CCNY: variants seen among roughly 807,000 people sequenced by gnomAD.
CCNY encodes cyclin-Y.
In CCNY, 19 loss-of-function variants were observed where a neutral mutation model predicts 42.8. That is an observed-to-expected ratio of 0.44 (90% confidence interval 0.31 to 0.65). CCNY has a LOEUF of 0.65. Among genes scored for constraint, CCNY ranks in the 30% least tolerant of loss-of-function variants. The probability of loss-of-function intolerance (pLI) is 0.07; values close to 1 mark genes in which losing one functional copy is unlikely to be tolerated. For missense variants in CCNY, 370 were observed against 437.3 expected, an observed-to-expected ratio of 0.85 and a Z score of 1.37; for synonymous variants, 165 against 162.7, an observed-to-expected ratio of 1.01 and a Z score of -0.11.
At chr10:35,549,782 ATGACCCTACAGTGCTCG>A (rs1259321663) in intron 7 of CCNY, among the ~76,000 whole-genome samples, 2 of 105,746 alleles carry the variant, frequency 1.9e-5, no homozygotes, top group African/African-American at 4.0e-5. Context: ...CTCATGACAC[ATGACCCTACAGTGCTCG>A]TGACCCTGCG....
intron 9 of CCNY, among the ~76,000 whole-genome samples, chr10:35,568,749 C>T (rs1019108824): frequency 1.8e-4 from 27 of 152,244 alleles, no homozygotes; most frequent in Non-Finnish European, 3.4e-4. Context: ...GGGTGGGGCC[C>T]GTCCCACACC....
chr10:35,360,255 A>C (rs1836652144), intron 1 of CCNY, among the ~76,000 whole-genome samples: 2 of 151,000 alleles, frequency 1.3e-5, no homozygotes, highest in African/African-American at 4.9e-5. Flanking sequence ...GAATTTTAAA[A>C]TTAAATTTCT....
chr10:35,385,331 C>A (rs893264263), intron 1 of CCNY, among the ~76,000 whole-genome samples: 1 of 152,178 alleles, frequency 6.6e-6, no homozygotes, highest in African/African-American at 2.4e-5. Context: ...CCTCCCTCAC[C>A]GTTTGCCAGC....
intron 1 of CCNY, among the ~76,000 whole-genome samples, chr10:35,343,536 C>T (rs1475695728): frequency 2.6e-5 from 4 of 151,866 alleles, no homozygotes; most frequent in Admixed American, 6.6e-5. Flanking sequence ...ACTACAGGCA[C>T]GTGCCACCAC....
intron 3 of CCNY, among the ~76,000 whole-genome samples, chr10:35,280,646 A>G (rs944293823): frequency 6.6e-6 from 1 of 152,234 alleles, no homozygotes; most frequent in African/African-American, 2.4e-5. Flanking sequence ...CCAAAATACA[A>G]ACCTCTTAAA....
At chr10:35,305,499 C>T (rs1433529903) in intron 3 of CCNY, among the ~76,000 whole-genome samples, 3 of 152,188 alleles carry the variant, frequency 2.0e-5, no homozygotes, top group African/African-American at 7.2e-5. Flanking sequence ...ACTGTGTTCA[C>T]TGTAACCTAG....
At chr10:35,556,282 C>T (rs973934281) in intron 8 of CCNY, among the ~76,000 whole-genome samples, 1 of 152,176 alleles carries the variant, frequency 6.6e-6, no homozygotes, top group Admixed American at 6.5e-5. Flanking sequence ...TTTTCCACTG[C>T]CCTCTGTCAG....
At chr10:35,450,771 C>T (rs1838899187) in intron 1 of CCNY, among the ~76,000 whole-genome samples, 1 of 149,440 alleles carries the variant, frequency 6.7e-6, no homozygotes, top group Non-Finnish European at 1.5e-5. Context: ...TATTTAAATT[C>T]GGTGGGAGAT....
intron 1 of CCNY, among the ~76,000 whole-genome samples, chr10:35,247,877 A>C (rs1312510206): frequency 2.6e-4 from 22 of 86,196 alleles, no homozygotes; most frequent in African/African-American, 1.4e-3. Context: ...CTCCATCTCA[A>C]AAAAAAAAAA....
chr10:35,254,166 C>T (rs1223327344), intron 3 of CCNY, among the ~76,000 whole-genome samples: 5 of 152,090 alleles, frequency 3.3e-5, no homozygotes, highest in Non-Finnish European at 5.9e-5. Context: ...CATGAGCCAC[C>T]GCGCCCGGCC....
At chr10:35,304,316 TTA>T (rs1835579958) in intron 3 of CCNY, among the ~76,000 whole-genome samples, 2 of 52,188 alleles carry the variant, frequency 3.8e-5, no homozygotes, top group Admixed American at 2.0e-4. Flanking sequence ...TTTTTATTTT[TTA>T]TTTTTTTTTG....
intron 1 of CCNY, among the ~76,000 whole-genome samples, chr10:35,454,142 T>A (rs1838978688): frequency 6.6e-6 from 1 of 152,204 alleles, no homozygotes; most frequent in African/African-American, 2.4e-5. Flanking sequence ...TACTCGTTCA[T>A]CCTGGCAGTA....
At chr10:35,366,094 T>C (rs957752216) in intron 1 of CCNY, among the ~76,000 whole-genome samples, 2 of 152,252 alleles carry the variant, frequency 1.3e-5, no homozygotes, top group African/African-American at 4.8e-5. Context: ...TTCTGTGTTA[T>C]GAATATATGC....
chr10:35,504,622 G>A (rs1242283853), intron 3 of CCNY, among the ~76,000 whole-genome samples: 2 of 151,764 alleles, frequency 1.3e-5, no homozygotes, highest in Non-Finnish European at 2.9e-5. Context: ...GTATAGGAAG[G>A]TTTTTGTTGT....
chr10:35,526,063 T>C (rs1325493287), intron 5 of CCNY, 64 bp downstream of exon 5: 2 of 1,405,424 alleles, frequency 1.4e-6, no homozygotes, highest in Non-Finnish European at 2.0e-6. Flanking sequence ...TTCCTATTTT[T>C]TCATATTCTA....
intron 2 of CCNY, 103 bp from the exon 3 acceptor site, chr10:35,501,398 G>T (rs1180465486): frequency 1.1e-6 from 1 of 885,382 alleles, no homozygotes; most frequent in Non-Finnish European, 1.9e-6. Context: ...TATGTTGGTT[G>T]GTGGAAGGAC....
At chr10:35,519,776 CTTTTTTTTTTT>C (rs1177122335) in intron 4 of CCNY, among the ~76,000 whole-genome samples, 15 of 74,660 alleles carry the variant, frequency 2.0e-4, no homozygotes, top group East Asian at 4.4e-4. Flanking sequence ...CTTTTCTTTT[CTTTTTTTTTTT>C]TTTTTTTTTT....
chr10:35,560,339 A>G (rs1841442028), intron 8 of CCNY, among the ~76,000 whole-genome samples: 2 of 152,174 alleles, frequency 1.3e-5, no homozygotes, highest in South Asian at 4.1e-4. Flanking sequence ...CTAGTGTTTG[A>G]GAATGTAACC....
chr10:35,255,113 AT>A (rs111813824), intron 3 of CCNY, among the ~76,000 whole-genome samples: 54,662 of 151,776 alleles, frequency 0.36, 10,187 homozygotes, highest in African/African-American at 0.45. Flanking sequence ...ATATAACTGT[AT>A]ATGTCTAATA....
Sources: gnomAD v4.1 joint callset for allele counts (sites outside exome capture counted in the v4.1 genomes callset) on GRCh38, gnomAD v4.1.1 for gene constraint, MANE v1.5 for transcripts, NCBI Gene and HGNC (gene_info 2026-07-23, HGNC 2026-07-21) for gene names.